CPD: variants seen among roughly 807,000 people sequenced by gnomAD.
CPD encodes carboxypeptidase D.
A neutral mutation model predicts 138.3 loss-of-function variants in CPD; 69 were observed. That is an observed-to-expected ratio of 0.50 (90% CI 0.41 to 0.61). CPD has a LOEUF of 0.61. Ranked by LOEUF, CPD falls within the 20% of genes least tolerant of loss-of-function variation. The pLI, the probability that CPD is intolerant of heterozygous loss-of-function variation, is 0.00. For missense variants in CPD, 1,432 were observed against 1,733.3 expected, an observed-to-expected ratio of 0.83 and a Z score of 3.09; for synonymous variants, 651 against 642.1, an observed-to-expected ratio of 1.01 and a Z score of -0.21.
At chr17:30,462,091 G>A in intron 19 of CPD, 29 bp downstream of exon 19, 1 of 1,563,510 alleles carries the variant, frequency 6.4e-7, no homozygotes, top group South Asian at 1.2e-5. Flanking sequence ...GTAGCATCAT[G>A]TAAATTTTTA....
At chr17:30,448,365 A>G (rs934146925) in intron 12 of CPD, among the ~76,000 whole-genome samples, 1 of 152,172 alleles carries the variant, frequency 6.6e-6, no homozygotes, top group Non-Finnish European at 1.5e-5. Context: ...TGTCTCTAAA[A>G]CAAACAAAAA....
chr17:30,390,107 C>T (rs1911311133), intron 2 of CPD, among the ~76,000 whole-genome samples: 1 of 151,852 alleles, frequency 6.6e-6, no homozygotes, highest in Admixed American at 6.6e-5. Context: ...ACCTCTGCCT[C>T]CTGGGTTCAG....
chr17:30,447,555 T>A (rs938783486), intron 12 of CPD: 4 of 152,208 alleles, frequency 2.6e-5, no homozygotes, highest in African/African-American at 9.6e-5. Context: ...GACTAAATAT[T>A]GTTTAGTTTG....
At chr17:30,391,079 C>G (rs1490906906) in intron 2 of CPD, among the ~76,000 whole-genome samples, 1 of 151,120 alleles carries the variant, frequency 6.6e-6, no homozygotes, top group Non-Finnish European at 1.5e-5. Context: ...ATCCACCTGC[C>G]TCGCCCTCCC....
intron 14 of CPD, chr17:30,454,246 C>T (rs1913235241): frequency 1.3e-5 from 2 of 152,974 alleles, no homozygotes; most frequent in African/African-American, 2.4e-5. Flanking sequence ...AAACTGAATG[C>T]CTTTAACAGC....
At chr17:30,435,248 C>T (rs1328817749) in intron 8 of CPD, among the ~76,000 whole-genome samples, 4 of 152,194 alleles carry the variant, frequency 2.6e-5, no homozygotes, top group Admixed American at 6.5e-5. Flanking sequence ...CATCCAATTT[C>T]AAACTTACTA....
intron 2 of CPD, among the ~76,000 whole-genome samples, chr17:30,397,279 A>ATT (rs1405591587): frequency 4.6e-5 from 7 of 152,330 alleles, no homozygotes; most frequent in African/African-American, 1.7e-4. Context: ...TACTTAGAGC[A>ATT]TTACAGTCAT....
rs117490885 is a variant in CPD at position 30,419,217 on chromosome 17, T to C, written c.995-1624T>C. On this transcript the variant is annotated intron_variant, in intron 2 of 20. Transcript: ENST00000225719. ...TCAATGTTTTGTAAGCCCCGGTTCT[T>C]TGATGAACTCCTAATAAGCTGTGCT... Among the ~76,000 whole-genome samples, 107 of 152,342 alleles carry C rather than the reference T, an allele frequency of 7.0e-4. 2 individuals are homozygous for C. In the East Asian group the frequency reaches 0.02, roughly 28 times the overall value.
intron 8 of CPD, among the ~76,000 whole-genome samples, chr17:30,434,345 G>A (rs942405416): frequency 9.2e-5 from 14 of 152,142 alleles, no homozygotes; most frequent in Non-Finnish European, 1.5e-4. Flanking sequence ...CCCCACCTTC[G>A]CCCCACCACA....
In CPD at chr17:30,394,116, CTTTTTTTTTTTTTTTTTTT is replaced by C. The variant is rs35779169; in HGVS notation, c.994+8891_994+8909del. ...TATGATTGCACCACTGCACTCCAGCCTTTTTTTTTTTTTTTTTTTTTTTTTTTTTGACAGGGGAAGACCC... is the reference window on the plus strand; with the variant it reads ...TATGATTGCACCACTGCACTCCAGCCTTTTTTTTTTGACAGGGGAAGACCC... On this transcript the variant is annotated intron_variant, in intron 2 of 20. Coordinates refer to ENST00000225719, the MANE Select transcript of CPD (RefSeq NM_001304.5). 1.2e-4 allele frequency among the ~76,000 whole-genome samples: 5 copies of C among 40,834 alleles called. No homozygotes were observed. In the East Asian group the frequency reaches 3.1e-3, roughly 25 times the overall value. The allele number at this position is 40,834 out of a possible 152,430, so 26.8% of individuals were successfully genotyped here.
chr17:30,434,648 A>C (rs1392837734), intron 8 of CPD, among the ~76,000 whole-genome samples: 1 of 152,134 alleles, frequency 6.6e-6, no homozygotes, highest in Non-Finnish European at 1.5e-5. Flanking sequence ...CTGGAGAAGG[A>C]AAAAAAGAGG....
intron 18 of CPD, 47 bp from the exon 19 acceptor site, chr17:30,461,830 G>GTC: frequency 8.7e-6 from 13 of 1,497,058 alleles, no homozygotes; most frequent in Non-Finnish European, 1.2e-5. Context: ...CCTCTACCAT[G>GTC]TCTGGCATTA....
chr17:30,392,466 A>G (rs143111344), intron 2 of CPD, among the ~76,000 whole-genome samples: 25 of 152,278 alleles, frequency 1.6e-4, no homozygotes, highest in Admixed American at 9.2e-4. Flanking sequence ...AATATGAAAT[A>G]CCTTTTAGTT....
At chr17:30,426,734 C>G (rs1364064465) in intron 6 of CPD, among the ~76,000 whole-genome samples, 1 of 152,172 alleles carries the variant, frequency 6.6e-6, no homozygotes, top group African/African-American at 2.4e-5. Flanking sequence ...TAATCCCAAC[C>G]TTGTGACCTT....
intron 6 of CPD, among the ~76,000 whole-genome samples, chr17:30,426,846 G>A (rs1019809683): frequency 3.3e-5 from 5 of 152,100 alleles, no homozygotes; most frequent in African/African-American, 4.8e-5. Context: ...TAGCTTGGCC[G>A]ATGCCCAGGA....
chr17:30,436,415 T>C (rs1415508175), intron 8 of CPD, among the ~76,000 whole-genome samples: 1 of 152,204 alleles, frequency 6.6e-6, no homozygotes, highest in Non-Finnish European at 1.5e-5. Context: ...AGAACTCTTA[T>C]GGCTAAATAA....
intron 13 of CPD, among the ~76,000 whole-genome samples, chr17:30,450,824 A>C (rs1470348270): frequency 6.6e-6 from 1 of 152,212 alleles, no homozygotes; most frequent in African/African-American, 2.4e-5. Context: ...GCACCACTGC[A>C]TTCCAGCCTG....
intron 2 of CPD, among the ~76,000 whole-genome samples, chr17:30,418,014 C>T (rs1912160917): frequency 6.6e-6 from 1 of 152,022 alleles, no homozygotes; most frequent in South Asian, 2.1e-4. Context: ...AAGCCATTTT[C>T]CCTGACTGCA....
At chr17:30,432,874 C>T (rs190093274) in intron 8 of CPD, among the ~76,000 whole-genome samples, 7 of 152,204 alleles carry the variant, frequency 4.6e-5, no homozygotes, top group Admixed American at 2.6e-4. Flanking sequence ...AGCTTGATCA[C>T]AATACTATAC....
Sources: gnomAD v4.1 joint callset for allele counts (sites outside exome capture counted in the v4.1 genomes callset) on GRCh38, gnomAD v4.1.1 for gene constraint, MANE v1.5 for transcripts, NCBI Gene and HGNC (gene_info 2026-07-23, HGNC 2026-07-21) for gene names.